The following CDCP1 variants were observed in gnomAD, a reference collection of about 807,000 sequenced individuals.
CDCP1 encodes the protein CUB domain-containing protein 1.
In CDCP1, 29 loss-of-function variants were observed where a neutral mutation model predicts 60.2. The observed-to-expected ratio is 0.48, with a 90% CI of 0.36 to 0.66. The LOEUF (loss-of-function observed/expected upper bound fraction) is 0.66. CDCP1 is among the 30% of genes least tolerant of loss of function. The probability of loss-of-function intolerance (pLI) is 0.00; values close to 1 mark genes in which losing one functional copy is unlikely to be tolerated. For synonymous variants in CDCP1, 387 were observed against 431.1 expected, an observed-to-expected ratio of 0.90 and a Z score of 1.27; for missense variants, 876 against 1,074.3, an observed-to-expected ratio of 0.82 and a Z score of 2.58.
chr3:45,111,535 G>A (rs780247518), intron 3 of CDCP1, among the ~76,000 whole-genome samples: 1 of 152,166 alleles, frequency 6.6e-6, no homozygotes, highest in Non-Finnish European at 1.5e-5. Context: ...AGTTAGCTGG[G>A]TGTGGTGGCG....
At chr3:45,087,773 A>G (rs1231067992) in intron 8 of CDCP1, among the ~76,000 whole-genome samples, 3 of 152,134 alleles carry the variant, frequency 2.0e-5, no homozygotes, top group African/African-American at 7.2e-5. Flanking sequence ...TAATCTCAGC[A>G]CTTTGGGAGG....
rs772698120 is a variant in CDCP1, at chr3:45,118,618, G to A, written c.86C>T (p.Ala29Val). ...GAARLPRGAE[A>V]FEIALPRESN... Reference sequence around the variant, plus strand: ...TTCTCGTGGCAGAGCAATCTCAAAAGCTTCTGAAGGAAGGAAGGAAAATGA... The same window carrying A: ...TTCTCGTGGCAGAGCAATCTCAAAAACTTCTGAAGGAAGGAAGGAAAATGA... The change falls in exon 2 of 9, where the codon GCT (alanine) becomes GTT (valine). Residue 29 changes from alanine to valine, a missense_variant. Ala to Val is a moderately conservative substitution (Grantham distance 64, BLOSUM62 0). This residue lies in a region of CDCP1 where 150 missense variants were observed against 138.6 expected (regional missense o/e 1.08). Transcript: ENST00000296129. 1.9e-5 allele frequency: 30 copies of A among 1,613,600 alleles called. No individual in the cohort carries two copies. In the South Asian group the frequency reaches 2.0e-4, roughly 11 times the overall value.
chr3:45,144,503 G>A (rs62244472), intron 1 of CDCP1, among the ~76,000 whole-genome samples: 39,169 of 152,088 alleles, frequency 0.26, 6,076 homozygotes, highest in East Asian at 0.38. Context: ...TGAACCATGA[G>A]ACAGGGCTCA....
intron 1 of CDCP1, among the ~76,000 whole-genome samples, chr3:45,142,549 T>A (rs1429360010): frequency 1.3e-5 from 2 of 152,128 alleles, no homozygotes; most frequent in Non-Finnish European, 2.9e-5. Flanking sequence ...CCTGGGAGAA[T>A]GTGAGAAACA....
At chr3:45,112,822 G>A (rs1039930316) in intron 2 of CDCP1, among the ~76,000 whole-genome samples, 7 of 152,220 alleles carry the variant, frequency 4.6e-5, no homozygotes, top group Non-Finnish European at 1.0e-4. Context: ...ATACTCCAGA[G>A]CTCCCCATGG....
chr3:45,112,246 G>A lies in CDCP1; in HGVS notation c.492C>T (p.Ser164=), dbSNP rs775740105. 2.4e-5 allele frequency: 38 copies of A among 1,614,046 alleles called. No homozygotes were observed. The highest frequency in any genetic ancestry group is 1.0e-4 in the Admixed American group (6 of 60,006). The change falls in exon 3 of 9, where the codon AGC becomes AGT. Residue 164 remains serine, a synonymous_variant. Transcript: ENST00000296129. ...SCPDGVTHSI[S]GRIDATVVRI... ...TGACCACGGTGGCATCGATTCGGCC[G>A]CTGATGGAGTGAGTGACTCCGTCTG...
At chr3:45,099,109 T>C (rs986170458) in intron 4 of CDCP1, among the ~76,000 whole-genome samples, 1 of 151,676 alleles carries the variant, frequency 6.6e-6, no homozygotes, top group African/African-American at 2.4e-5. Context: ...GCTTCCTGGA[T>C]CCATCTTTTC....
At chr3:45,126,607 C>A (rs970494918) in intron 1 of CDCP1, among the ~76,000 whole-genome samples, 1 of 152,130 alleles carries the variant, frequency 6.6e-6, no homozygotes, top group Non-Finnish European at 1.5e-5. Context: ...ATCTGCCTAC[C>A]TGGAAATAGT....
rs544925023 is a variant in CDCP1 at position 45,120,841 on chromosome 3, T to C, written c.83-2220A>G. ...AGAAAAAGCTGGCTCCTTGTTGTCA[T>C]TCCGGTCTCAGCACAAAGGTCACAT... is the stretch of plus-strand genomic sequence containing the variant. On this transcript the variant is annotated intron_variant, in intron 1 of 8. Coordinates refer to ENST00000296129, the MANE Select transcript of CDCP1 (RefSeq NM_022842.5). Among the ~76,000 whole-genome samples the C allele has an allele frequency of 3.3e-5, 5 of 152,270 alleles. No homozygotes were observed. In the East Asian group the frequency reaches 9.6e-4, roughly 29 times the overall value.
At chr3:45,131,363 A>G (rs1165581515) in intron 1 of CDCP1, among the ~76,000 whole-genome samples, 20 of 152,226 alleles carry the variant, frequency 1.3e-4, no homozygotes, top group Admixed American at 1.3e-3. Flanking sequence ...CATTAAGCAC[A>G]TTCACACTGT....
At chr3:45,124,298 C>A (rs1698937149) in intron 1 of CDCP1, among the ~76,000 whole-genome samples, 1 of 152,184 alleles carries the variant, frequency 6.6e-6, no homozygotes. Context: ...GTTTAAAAGA[C>A]TGGCAAAATA....
intron 1 of CDCP1, among the ~76,000 whole-genome samples, chr3:45,139,797 T>C (rs1332657531): frequency 1.3e-5 from 2 of 152,140 alleles, no homozygotes; most frequent in Admixed American, 6.5e-5. Context: ...TCTCATTATG[T>C]TGTTTGGTTC....
At chr3:45,128,047 C>T (rs1282551649) in intron 1 of CDCP1, among the ~76,000 whole-genome samples, 1 of 152,210 alleles carries the variant, frequency 6.6e-6, no homozygotes, top group Admixed American at 6.5e-5. Flanking sequence ...ACTTGCCTGC[C>T]ATTCTGCCAT....
Position 45,091,684 on chromosome 3 carries a change from G to A in CDCP1, c.1628-146C>T, listed in dbSNP as rs759577737. 4.1e-5 allele frequency: 41 copies of A among 997,438 alleles called. No individual in the cohort carries two copies. The highest frequency in any genetic ancestry group is 5.6e-5 in the Non-Finnish European group (39 of 700,972). The allele number at this position is 997,438 out of a possible 1,614,324, so 61.8% of individuals were successfully genotyped here. On this transcript the variant is annotated intron_variant, in intron 6 of 8. Transcript: ENST00000296129. This position sits in a 1 kb window ranked among gnomAD's most constrained non-coding sequence, Gnocchi z 4.8. ...GCGATGATGGAAATCTTCTAGATCT[G>A]CACCATCTGATAGGGTAGCCACCAG...
intron 1 of CDCP1, among the ~76,000 whole-genome samples, chr3:45,123,758 A>C (rs898147578): frequency 6.6e-6 from 1 of 152,214 alleles, no homozygotes; most frequent in Non-Finnish European, 1.5e-5. Flanking sequence ...TGCTTGGATC[A>C]CATCTCTTTC....
intron 1 of CDCP1, among the ~76,000 whole-genome samples, chr3:45,137,353 A>G (rs1179461442): frequency 2.0e-5 from 3 of 152,096 alleles, no homozygotes; most frequent in Non-Finnish European, 2.9e-5. Flanking sequence ...AGTGGGACAT[A>G]CCTTCCCACC....
intron 8 of CDCP1, among the ~76,000 whole-genome samples, chr3:45,088,143 G>A (rs948458005): frequency 3.3e-5 from 5 of 152,130 alleles, no homozygotes; most frequent in Admixed American, 2.6e-4. Flanking sequence ...ACAGTTTGGC[G>A]GCAGCACGGA....
Position 45,110,472 on chromosome 3 carries a change from C to T in CDCP1, c.1024+1G>A. On this transcript the variant is annotated splice_donor_variant, in intron 4 of 8. Transcript: ENST00000296129. LOFTEE classifies it high-confidence loss of function. ...GAAAAAGGAAAGTGGGGCTCACTCA[C>T]TGCTTTCATTTTGTGGATGTTGGAC... 6.2e-7 allele frequency: 1 copy of T among 1,613,688 alleles called. No homozygotes were observed. Among genetic ancestry groups the T allele is most frequent in the African/African-American group, 1.3e-5 (1 of 75,046 alleles).
At chr3:45,135,899 G>A (rs1232758541) in intron 1 of CDCP1, among the ~76,000 whole-genome samples, 4 of 152,134 alleles carry the variant, frequency 2.6e-5, no homozygotes, top group Admixed American at 2.6e-4. Flanking sequence ...TTGAATTAGA[G>A]GGTGCAAGCT....
Sources: allele counts gnomAD v4.1 joint callset (sites outside exome capture counted in the v4.1 genomes callset), GRCh38; gene constraint gnomAD v4.1.1; regional missense constraint gnomAD v4.1.1; non-coding constraint Gnocchi (gnomAD v3.1); transcripts MANE v1.5; gene names NCBI Gene and HGNC (gene_info 2026-07-23, HGNC 2026-07-21).